Variants in TET3 observed in about 807,000 individuals in gnomAD.
The protein encoded by TET3 is tet methylcytosine dioxygenase 3.
TET3 carries 19 observed loss-of-function variants against 141.4 expected under a neutral mutation model. The ratio of observed to expected loss-of-function variants is 0.13; its 90% CI spans 0.09 to 0.20. TET3 has a LOEUF of 0.20. TET3 is among the 10% of genes least tolerant of loss of function. The pLI is 1.00. For missense variants in TET3, 1,874 were observed against 2,356.9 expected (o/e 0.80, Z 4.24); for synonymous variants, 1,043 against 980.9 (o/e 1.06, Z -1.18).
In TET3 at chr2:74,101,226, C is replaced by T; in HGVS notation, c.4438C>T (p.Leu1480=). 1 of 1,612,982 alleles carries T rather than the reference C, an allele frequency of 6.2e-7. No individual in the cohort carries two copies. The change falls in exon 12 of 12, where the codon CTG becomes TTG. Residue 1480 remains leucine, a synonymous_variant. Transcript: ENST00000409262. The surrounding 1 kb of genome is among the most constrained non-coding windows in gnomAD (Gnocchi z 8.5). ...GCTCAGTTCCTTTGGGGCCAGCTGC[C>T]TGGCCCCTTCCCACTTCACAGATGG... ...DKLSSFGASC[L]APSHFTDGQW... is the part of the protein sequence containing the mutation.
intron 3 of TET3, among the ~76,000 whole-genome samples, chr2:74,010,436 G>T (rs1284591286): frequency 6.6e-6 from 1 of 152,214 alleles, no homozygotes; most frequent in Non-Finnish European, 1.5e-5. Context: ...AGCCACCACC[G>T]GCACAGGCAG....
chr2:73,998,174 C>T (rs1684684742), intron 2 of TET3, among the ~76,000 whole-genome samples: 1 of 152,174 alleles, frequency 6.6e-6, no homozygotes, highest in South Asian at 2.1e-4. Flanking sequence ...AAGTCTTCTG[C>T]TGGGGCTGTC....
chr2:74,063,907 A>AAT (rs1553428424), intron 4 of TET3, among the ~76,000 whole-genome samples: 8 of 151,668 alleles, frequency 5.3e-5, no homozygotes, highest in African/African-American at 1.5e-4. Flanking sequence ...AAAAAAAAAA[A>AAT]AATAAGTAAA....
chr2:74,043,608 T>C (rs1308681227), intron 3 of TET3, among the ~76,000 whole-genome samples: 2 of 152,114 alleles, frequency 1.3e-5, no homozygotes, highest in Non-Finnish European at 2.9e-5. Flanking sequence ...TCTAAGAGGC[T>C]GAGAAGGGCA....
At position 73,986,183 on chromosome 2, in the gene TET3, A is replaced by T; in HGVS notation, c.-221A>T. The T allele has an allele frequency of 1.0e-5, 4 of 381,482 alleles. No individual in the cohort carries two copies. The allele number at this position is 381,482 out of a possible 1,614,324, so 23.6% of individuals were successfully genotyped here. On this transcript the variant is annotated 5_prime_UTR_variant, in exon 2 of 12. Coordinates refer to ENST00000409262, the MANE Select transcript of TET3 (RefSeq NM_001287491.2). ...CCTCCCCCAGATCCTGGGCCCCAGC[A>T]GGTGGGAGAGTGGCCCCCTACGGAG...
At chr2:74,118,525 T>C in the TET3 span, among the ~76,000 whole-genome samples, 1 of 152,204 alleles carries the variant, frequency 6.6e-6, no homozygotes, top group South Asian at 2.1e-4. Flanking sequence ...ATAATACATA[T>C]AACATACAAA....
At chr2:74,061,220 G>C in intron 4 of TET3, among the ~76,000 whole-genome samples, 1 of 135,620 alleles carries the variant, frequency 7.4e-6, no homozygotes, top group African/African-American at 2.7e-5. Context: ...CCTCCCGGAC[G>C]GGGTGGCTGG....
intron 3 of TET3, among the ~76,000 whole-genome samples, chr2:74,032,489 G>GCGCGCGCGCGA (rs1558730157): frequency 2.7e-5 from 4 of 150,764 alleles, no homozygotes; most frequent in African/African-American, 9.8e-5. Flanking sequence ...GTGTGTGTGT[G>GCGCGCGCGCGA]TGTGTGTGTG....
Position 74,104,790 on chromosome 2 carries a change from C to G in TET3, c.*2614C>G, listed in dbSNP as rs949446177. On this transcript the variant is annotated 3_prime_UTR_variant, in exon 12 of 12. Coordinates refer to ENST00000409262, the MANE Select transcript of TET3 (RefSeq NM_001287491.2). ...AGCTAAAAGCATGCGACGTCTGTCC[C>G]CCAGCCCAAACAGCCTTGGTTCATC... is the stretch of plus-strand genomic sequence containing the variant. 11 of 185,894 alleles carry G rather than the reference C, an allele frequency of 5.9e-5. No homozygotes were observed. Among genetic ancestry groups the G allele is most frequent in the Non-Finnish European group, 1.1e-4 (10 of 91,220 alleles). 11.5% of individuals were successfully genotyped at this position (185,894 alleles called of 1,614,324 possible). A position where few individuals can be genotyped will look rare whatever the true frequency, so the allele number is the denominator to read the frequency against.
intron 4 of TET3, among the ~76,000 whole-genome samples, chr2:74,068,525 C>T (rs1016751893): frequency 9.9e-5 from 15 of 152,088 alleles, no homozygotes; most frequent in Admixed American, 7.9e-4. Context: ...TAGGTTATTT[C>T]TGATATTTTT....
intron 3 of TET3, among the ~76,000 whole-genome samples, chr2:74,018,734 A>G (rs1247368230): frequency 2.8e-5 from 4 of 144,922 alleles, no homozygotes; most frequent in Admixed American, 6.8e-5. Flanking sequence ...GGTTTAAAAC[A>G]TACTTCTTAC....
intron 2 of TET3, among the ~76,000 whole-genome samples, chr2:73,987,491 C>T (rs941129444): frequency 1.2e-4 from 18 of 152,180 alleles, no homozygotes; most frequent in Non-Finnish European, 2.2e-4. Context: ...CCGTCTTTCC[C>T]TCCCATTATA....
chr2:73,989,280 G>A (rs1010110617), intron 2 of TET3, among the ~76,000 whole-genome samples: 2 of 152,166 alleles, frequency 1.3e-5, no homozygotes, highest in Admixed American at 6.5e-5. Context: ...GGGGCGGGAC[G>A]CAGTATCCTA....
intron 3 of TET3, among the ~76,000 whole-genome samples, chr2:74,029,531 A>G (rs1297859279): frequency 1.3e-5 from 2 of 152,242 alleles, no homozygotes; most frequent in Admixed American, 1.3e-4. Flanking sequence ...TAGGGAAGAA[A>G]TTAGCATATG....
In TET3 at chr2:73,986,785, C is replaced by T. The variant is rs146027295; in HGVS notation, c.303+79C>T. ...ACGGGGGTCTTGTTCAAGCAAGGCT[C>T]GTCCAGTTGAGTCCATTCTCTCATT... On this transcript the variant is annotated intron_variant, in intron 2 of 11. Transcript: ENST00000409262. The T allele has an allele frequency of 1.2e-5, 14 of 1,183,582 alleles. No homozygotes were observed. In the East Asian group the frequency reaches 1.9e-4, roughly 16 times the overall value. The allele number at this position is 1,183,582 out of a possible 1,614,324, so 73.3% of individuals were successfully genotyped here.
At chr2:74,044,944 C>T (rs1023389269) in intron 3 of TET3, among the ~76,000 whole-genome samples, 1 of 152,226 alleles carries the variant, frequency 6.6e-6, no homozygotes, top group Non-Finnish European at 1.5e-5. Flanking sequence ...AAATAGTGTG[C>T]TTTTCCCCAG....
At position 74,047,124 on chromosome 2, in the gene TET3, G is replaced by T. The variant is rs775191422; in HGVS notation, c.1207G>T (p.Ala403Ser). The T allele has an allele frequency of 1.3e-5, 21 of 1,613,656 alleles. No homozygotes were observed. In the East Asian group the frequency reaches 4.0e-4, roughly 31 times the overall value. The change falls in exon 4 of 12, where the codon GCT becomes TCT. Residue 403 changes from alanine to serine, a missense_variant. Transcript: ENST00000409262. The part of the protein sequence containing the change: ...PFRSPQSYLR[A>S]PSWPVVPPEE... ...CAGATCTCCCCAGTCTTACCTCCGG[G>T]CTCCCTCATGGCCTGTGGTTCCTCC...
chr2:74,036,077 G>A (rs1331912610), intron 3 of TET3, among the ~76,000 whole-genome samples: 2 of 152,108 alleles, frequency 1.3e-5, no homozygotes, highest in Non-Finnish European at 2.9e-5. Flanking sequence ...ACCCTCTCGC[G>A]GTGCTTACTA....
chr2:74,126,334 A>G, the TET3 span, among the ~76,000 whole-genome samples: 1 of 152,160 alleles, frequency 6.6e-6, no homozygotes, highest in Non-Finnish European at 1.5e-5. Flanking sequence ...TGTTTCAGGC[A>G]GAGGTTTTTT....
Sources: gnomAD v4.1 joint callset for allele counts (sites outside exome capture counted in the v4.1 genomes callset) on GRCh38, gnomAD v4.1.1 for gene constraint, Gnocchi (gnomAD v3.1) non-coding constraint, MANE v1.5 for transcripts, NCBI Gene and HGNC (gene_info 2026-07-23, HGNC 2026-07-21) for gene names.